SLC9A7: variants seen among roughly 807,000 people sequenced by gnomAD.
SLC9A7 encodes the protein solute carrier family 9 member A7.
SLC9A7 carries 19 observed loss-of-function variants against 52.6 expected under a neutral mutation model. That is an observed-to-expected ratio of 0.36 (90% CI 0.25 to 0.53). The LOEUF (loss-of-function observed/expected upper bound fraction) is 0.53. Ranked by LOEUF, SLC9A7 falls within the 20% of genes least tolerant of loss-of-function variation. The pLI is 0.91. For missense variants in SLC9A7, 455 were observed against 597.9 expected, an observed-to-expected ratio of 0.76 and a Z score of 2.49; for synonymous variants, 226 against 252.1, an observed-to-expected ratio of 0.90 and a Z score of 0.98.
At position 46,662,541 on chromosome X, in the gene SLC9A7, G is replaced by A; in HGVS notation, c.896C>T (p.Ser299Phe). The change falls in exon 6 of 17, where the codon TCC (serine) becomes TTC (phenylalanine). Residue 299 changes from serine to phenylalanine, a missense_variant. Physicochemically the swap from Ser to Phe is radical, Grantham distance 155. Transcript: ENST00000616978. ...VLNDAVAIVL[S>F]SSIVAYQPAG... ...CAGCAGAAACACTGCTACTTACGAG[G>A]ACAGTACAATGGCAACAGCATCATT... 1 of 1,197,537 alleles carries A rather than the reference G, an allele frequency of 8.4e-7. No individual in the cohort carries two copies. Among genetic ancestry groups the A allele is most frequent in the Non-Finnish European group, 1.1e-6 (1 of 882,721 alleles).
intron 14 of SLC9A7, among the ~76,000 whole-genome samples, chrX:46,626,066 G>A (rs1052558798): frequency 9.0e-6 from 1 of 111,618 alleles, no homozygotes; most frequent in Non-Finnish European, 1.9e-5. Context: ...CAGCACTTTG[G>A]GAGGCCAAGA....
At chrX:46,735,309 T>A (rs889819944) in intron 1 of SLC9A7, among the ~76,000 whole-genome samples, 4 of 111,591 alleles carry the variant, frequency 3.6e-5, no homozygotes, top group Non-Finnish European at 7.5e-5. Flanking sequence ...TTAAACTTTT[T>A]AAATAGTTAT....
rs144043590 is a variant in SLC9A7, at chrX:46,624,293, G to A, written c.1741-3234C>T. ...TCACGACCTGGGACTTGCAACTGGT[G>A]TCTGAAGTGGGGACAGTCTTGTGGG... On this transcript the variant is annotated intron_variant, in intron 14 of 16. Transcript: ENST00000616978. 9.6e-3 allele frequency among the ~76,000 whole-genome samples: 1,078 copies of A among 112,047 alleles called. 9 individuals carry two copies. The highest frequency in any genetic ancestry group is 0.033 in the African/African-American group (1,030 of 30,774).
rs146909265 is a variant in SLC9A7 at position 46,634,088 on chromosome X, G to A, written c.1676+1501C>T. ...CTTTATGTATCTCTCTCCTGACCTGGTATAACGCTTTTGATCCAGGACACT... is the reference window on the plus strand; with the variant it reads ...CTTTATGTATCTCTCTCCTGACCTGATATAACGCTTTTGATCCAGGACACT... On this transcript the variant is annotated intron_variant, in intron 13 of 16. Transcript: ENST00000616978. Among the ~76,000 whole-genome samples the A allele has an allele frequency of 2.2e-3, 244 of 111,884 alleles. 2 individuals carry two copies. The East Asian group carries it at 0.033, about 15-fold the overall frequency.
rs186620092 is a variant in SLC9A7 at position 46,605,618 on chromosome X, G to A, written c.*1334C>T. On this transcript the variant is annotated 3_prime_UTR_variant, in exon 17 of 17. Transcript: ENST00000616978. ...GCCACTGAAATCTCATGCATTCGTC[G>A]GCTCAAAGTTTGGAATTCTACCTAG... 2 of 111,676 alleles carry A rather than the reference G, an allele frequency of 1.8e-5. No homozygotes were observed. Among genetic ancestry groups the A allele is most frequent in the East Asian group, 2.8e-4 (1 of 3,579 alleles). The allele number at this position is 111,676 out of a possible 1,213,427, so 9.2% of individuals were successfully genotyped here.
intron 4 of SLC9A7, among the ~76,000 whole-genome samples, chrX:46,670,611 C>G (rs1005861842): frequency 9.0e-6 from 1 of 111,495 alleles, no homozygotes; most frequent in Non-Finnish European, 1.9e-5. Context: ...ACAGCCAATG[C>G]TCTAATAATG....
chrX:46,663,776 A>G (rs1040265835), intron 5 of SLC9A7, among the ~76,000 whole-genome samples: 2 of 111,008 alleles, frequency 1.8e-5, no homozygotes, highest in Non-Finnish European at 3.8e-5. Flanking sequence ...CCAGACCAAC[A>G]TGGAGAAACT....
At position 46,617,528 on chromosome X, in the gene SLC9A7, G is replaced by C. The variant is rs760880046; in HGVS notation, c.1823+3449C>G. Among the ~76,000 whole-genome samples, 6 of 111,592 alleles carry C rather than the reference G, an allele frequency of 5.4e-5. No homozygotes were observed. The East Asian group carries it at 1.7e-3, about 31-fold the overall frequency. ...AGGTAGTGTCTCTAACTTTCTTTAGGTATCTGTGGCTTGAAGAAAAAATTA... is the reference window on the plus strand; with the variant it reads ...AGGTAGTGTCTCTAACTTTCTTTAGCTATCTGTGGCTTGAAGAAAAAATTA... On this transcript the variant is annotated intron_variant, in intron 15 of 16. Transcript: ENST00000616978.
chrX:46,700,963 A>G (rs1944522304), intron 1 of SLC9A7, among the ~76,000 whole-genome samples: 1 of 111,432 alleles, frequency 9.0e-6, no homozygotes, highest in Non-Finnish European at 1.9e-5. Flanking sequence ...TGATCTTCCA[A>G]AGGAGACTTC....
intron 15 of SLC9A7, among the ~76,000 whole-genome samples, chrX:46,614,631 C>T (rs1212143539): frequency 8.9e-6 from 1 of 111,942 alleles, no homozygotes; most frequent in Non-Finnish European, 1.9e-5. Context: ...TGAAGGTCAA[C>T]GGATAAGCAG....
intron 1 of SLC9A7, among the ~76,000 whole-genome samples, chrX:46,735,447 A>T (rs1273321385): frequency 2.7e-5 from 3 of 111,802 alleles, no homozygotes; most frequent in Non-Finnish European, 5.6e-5. Context: ...GTTGTCATAC[A>T]TTTCACTTTT....
chrX:46,736,993 AAACAC>A (rs1945131918), intron 1 of SLC9A7, among the ~76,000 whole-genome samples: 1 of 111,715 alleles, frequency 9.0e-6, no homozygotes, highest in South Asian at 3.7e-4. Context: ...ATCCTCCTCC[AAACAC>A]AATGCCAGGC....
intron 5 of SLC9A7, among the ~76,000 whole-genome samples, chrX:46,663,953 C>A (rs1305024121): frequency 8.9e-6 from 1 of 111,929 alleles, no homozygotes; most frequent in Non-Finnish European, 1.9e-5. Context: ...GAGTGAAACT[C>A]TGTCTCAAAA....
chrX:46,663,499 A>G (rs748764125), intron 5 of SLC9A7, among the ~76,000 whole-genome samples: 1 of 105,513 alleles, frequency 9.5e-6, no homozygotes, highest in East Asian at 3.0e-4. Context: ...TTAGCTGGTC[A>G]TGGTAGCATA....
intron 7 of SLC9A7, among the ~76,000 whole-genome samples, chrX:46,656,451 G>C (rs201234966): frequency 0.22 from 22,027 of 100,923 alleles, 2,571 homozygotes; most frequent in African/African-American, 0.43. Context: ...TCAAACCAAA[G>C]GCAAAGAAGT....
At chrX:46,660,748 T>C (rs1349352694) in intron 7 of SLC9A7, among the ~76,000 whole-genome samples, 1 of 107,980 alleles carries the variant, frequency 9.3e-6, no homozygotes. Flanking sequence ...TGCGGAGAAA[T>C]AGGAACACTT....
chrX:46,611,896 C>T (rs1437637784), intron 16 of SLC9A7, among the ~76,000 whole-genome samples: 1 of 112,050 alleles, frequency 8.9e-6, no homozygotes, highest in African/African-American at 3.2e-5. Flanking sequence ...ATGGTGTCCA[C>T]ATCCCTTTCC....
Position 46,607,220 on chromosome X carries a change from A to G in SLC9A7, c.1930-17T>C. On this transcript the variant is annotated splice_polypyrimidine_tract_variant and intron_variant, in intron 16 of 16. Transcript: ENST00000616978. ...CTCTTGGTTCTGAAAAGTGCAACCAACAACAACAACAAAAATGAGAGACTG... is the reference window on the plus strand; with the variant it reads ...CTCTTGGTTCTGAAAAGTGCAACCAGCAACAACAACAAAAATGAGAGACTG... 8.4e-7 allele frequency: 1 copy of G among 1,196,485 alleles called. No individual in the cohort carries two copies. Among genetic ancestry groups the G allele is most frequent in the Non-Finnish European group, 1.1e-6 (1 of 885,715 alleles).
intron 12 of SLC9A7, among the ~76,000 whole-genome samples, chrX:46,641,695 C>T (rs973855896): frequency 2.7e-5 from 3 of 111,559 alleles, no homozygotes; most frequent in Non-Finnish European, 3.8e-5. Context: ...AAATTCTAAC[C>T]TTCCCAAATT....
Sources: gnomAD v4.1 joint callset for allele counts (sites outside exome capture counted in the v4.1 genomes callset) on GRCh38, gnomAD v4.1.1 for gene constraint, MANE v1.5 for transcripts, NCBI Gene and HGNC (gene_info 2026-07-23, HGNC 2026-07-21) for gene names.